The following NR3C2 variants were observed in gnomAD, a reference collection of about 807,000 sequenced individuals.
The protein encoded by NR3C2 is mineralocorticoid receptor.
A neutral mutation model predicts 86.4 loss-of-function variants in NR3C2; 15 were observed. The observed-to-expected ratio is 0.17, with a 90% CI of 0.12 to 0.27. The LOEUF (loss-of-function observed/expected upper bound fraction) is 0.27. Among genes scored for constraint, NR3C2 ranks in the 10% least tolerant of loss-of-function variants. NR3C2 has a pLI of 1.00. For missense variants in NR3C2, 960 were observed against 1,195.6 expected (o/e 0.80, Z 2.91); for synonymous variants, 458 against 450.5 (o/e 1.02, Z -0.21).
At chr4:148,207,465 T>C (rs1246926866) in intron 3 of NR3C2, among the ~76,000 whole-genome samples, 1 of 152,244 alleles carries the variant, frequency 6.6e-6, no homozygotes, top group Non-Finnish European at 1.5e-5. Context: ...TTTGATCATT[T>C]GGCTAAATTT....
At chr4:148,443,067 A>C, upstream of NR3C2, 3 of 738,970 alleles carry the variant, frequency 4.1e-6, no homozygotes, top group Non-Finnish European at 5.0e-6. Flanking sequence ...GCCCCTTTCC[A>C]CTGTCTCCAG....
upstream of NR3C2, chr4:148,444,141 A>G (rs2126678770): frequency 1.0e-6 from 1 of 985,342 alleles, no homozygotes; most frequent in Non-Finnish European, 1.2e-6. Context: ...GAGCAAGGGG[A>G]GTCCCGGACC....
intron 3 of NR3C2, among the ~76,000 whole-genome samples, chr4:148,239,973 G>A (rs1026773920): frequency 3.9e-5 from 6 of 152,038 alleles, no homozygotes; most frequent in Non-Finnish European, 8.8e-5. Context: ...GTGCAGTGAG[G>A]AAGCACAGCA....
At chr4:148,176,199 C>T (rs1290111576) in intron 4 of NR3C2, among the ~76,000 whole-genome samples, 4 of 152,182 alleles carry the variant, frequency 2.6e-5, no homozygotes, top group Non-Finnish European at 2.9e-5. Flanking sequence ...TTTACAAGAG[C>T]TAGAAACCTT....
rs182989864 is a variant in NR3C2 at position 148,385,726 on chromosome 4, C to T, written c.1757+49378G>A. Among the ~76,000 whole-genome samples, 6 of 152,268 alleles carry T rather than the reference C, an allele frequency of 3.9e-5. No individual in the cohort carries two copies. In the East Asian group the frequency reaches 1.2e-3, roughly 29 times the overall value. ...TCTCCACAGAGGTCCTCCTCCTGCA[C>T]CTCAGCTGCACATACTCCCCCATGC... On this transcript the variant is annotated intron_variant, in intron 2 of 8. Coordinates refer to ENST00000358102, the MANE Select transcript of NR3C2 (RefSeq NM_000901.5).
At chr4:148,320,836 A>T (rs1182632189) in intron 2 of NR3C2, among the ~76,000 whole-genome samples, 3 of 150,394 alleles carry the variant, frequency 2.0e-5, no homozygotes, top group Non-Finnish European at 4.4e-5. Context: ...CAGCTCCTGG[A>T]TTCATTAATT....
chr4:148,148,548 C>T (rs1227480950), intron 6 of NR3C2, among the ~76,000 whole-genome samples: 1 of 152,156 alleles, frequency 6.6e-6, no homozygotes, highest in African/African-American at 2.4e-5. Context: ...GCCTTAGGCT[C>T]CCCTCCAGCC....
At chr4:148,109,800 T>G (rs1463116544) in intron 8 of NR3C2, among the ~76,000 whole-genome samples, 1 of 152,238 alleles carries the variant, frequency 6.6e-6, no homozygotes, top group African/African-American at 2.4e-5. Context: ...GTGTGTATAC[T>G]GACATAAAAT....
intron 2 of NR3C2, among the ~76,000 whole-genome samples, chr4:148,355,031 G>T (rs1745485086): frequency 6.6e-6 from 1 of 151,950 alleles, no homozygotes. Context: ...AATAAAGGGA[G>T]GACAATAACA....
chr4:148,374,294 A>G (rs1413334656), intron 2 of NR3C2, among the ~76,000 whole-genome samples: 3 of 152,230 alleles, frequency 2.0e-5, no homozygotes, highest in Non-Finnish European at 2.9e-5. Flanking sequence ...TGTTCTCATT[A>G]TTCATAAATT....
intron 2 of NR3C2, among the ~76,000 whole-genome samples, chr4:148,415,974 C>T (rs1748974391): frequency 6.6e-6 from 1 of 152,120 alleles, no homozygotes. Flanking sequence ...TTTCTTCCCA[C>T]TGAGAATAAA....
intron 2 of NR3C2, among the ~76,000 whole-genome samples, chr4:148,393,964 C>A (rs1747724110): frequency 6.6e-6 from 1 of 152,178 alleles, no homozygotes; most frequent in Non-Finnish European, 1.5e-5. Flanking sequence ...CAGGGCTAGG[C>A]AGAAGTGACA....
intron 2 of NR3C2, among the ~76,000 whole-genome samples, chr4:148,408,429 G>C (rs1336772285): frequency 6.6e-6 from 1 of 152,116 alleles, no homozygotes; most frequent in Non-Finnish European, 1.5e-5. Context: ...TATTTTATTT[G>C]TAGGATTTTC....
At chr4:148,339,581 T>C (rs1041521303) in intron 2 of NR3C2, among the ~76,000 whole-genome samples, 1 of 152,154 alleles carries the variant, frequency 6.6e-6, no homozygotes, top group Non-Finnish European at 1.5e-5. Flanking sequence ...TAATTACAAC[T>C]TAAAATGCAT....
chr4:148,406,360 G>A (rs1275260778), intron 2 of NR3C2, among the ~76,000 whole-genome samples: 2 of 152,130 alleles, frequency 1.3e-5, no homozygotes, highest in African/African-American at 4.8e-5. Flanking sequence ...GGAATTTAAG[G>A]TCAGAGTTCG....
intron 8 of NR3C2, among the ~76,000 whole-genome samples, chr4:148,082,354 A>G (rs1236677413): frequency 2.0e-5 from 3 of 152,110 alleles, no homozygotes; most frequent in African/African-American, 7.2e-5. Context: ...TGCATTTCCA[A>G]CTGAGGTACC....
At chr4:148,146,556 C>T (rs904626508) in intron 6 of NR3C2, 4 of 152,460 alleles carry the variant, frequency 2.6e-5, no homozygotes, top group Middle Eastern at 3.4e-3. Context: ...ACAGGTAGCA[C>T]CCCATGAAAA....
At chr4:148,254,527 A>AGGG (rs1388901881) in intron 3 of NR3C2, among the ~76,000 whole-genome samples, 51 of 152,296 alleles carry the variant, frequency 3.3e-4, no homozygotes, top group Middle Eastern at 3.4e-3. Flanking sequence ...TTCCCATAAC[A>AGGG]ACCAACTGAA....
chr4:148,271,561 C>T (rs1382112525), intron 2 of NR3C2, among the ~76,000 whole-genome samples: 1 of 152,084 alleles, frequency 6.6e-6, no homozygotes, highest in Admixed American at 6.6e-5. Context: ...TCCTTAGCCA[C>T]CATCTTTTCT....
Sources: gnomAD v4.1 joint callset for allele counts (sites outside exome capture counted in the v4.1 genomes callset) on GRCh38, gnomAD v4.1.1 for gene constraint, MANE v1.5 for transcripts, NCBI Gene and HGNC (gene_info 2026-07-23, HGNC 2026-07-21) for gene names.